Variants in EPN2 observed in about 807,000 individuals in gnomAD.
EPN2 encodes epsin 2, also known as epsin-2.
EPN2 carries 34 observed loss-of-function variants against 61.7 expected under a neutral mutation model. The ratio of observed to expected loss-of-function variants is 0.55; its 90% confidence interval spans 0.42 to 0.73. The LOEUF is 0.73. Among genes scored for constraint, EPN2 ranks in the 30% least tolerant of loss-of-function variants. EPN2 has a pLI of 0.00. For missense variants in EPN2, 714 were observed against 839.2 expected (o/e 0.85, Z 1.84); for synonymous variants, 349 against 353.6 (o/e 0.99, Z 0.15).
chr17:19,307,224 C>G (rs1905886335), intron 4 of EPN2, among the ~76,000 whole-genome samples: 1 of 152,130 alleles, frequency 6.6e-6, no homozygotes, highest in Non-Finnish European at 1.5e-5. Flanking sequence ...TGAAGAGATA[C>G]TTTGGGAAAT....
chr17:19,310,920 GA>G (rs1450251687), intron 5 of EPN2, among the ~76,000 whole-genome samples: 1 of 152,110 alleles, frequency 6.6e-6, no homozygotes, highest in Non-Finnish European at 1.5e-5. Flanking sequence ...ACAACAGCGA[GA>G]AGGGAAAGGA....
chr17:19,255,241 A>G (rs975639611), intron 1 of EPN2, among the ~76,000 whole-genome samples: 4 of 152,086 alleles, frequency 2.6e-5, no homozygotes, highest in Non-Finnish European at 5.9e-5. Context: ...AGGTCCCAGG[A>G]CAAGGAGAAT....
chr17:19,295,567 G>A (rs1366688639), intron 4 of EPN2, among the ~76,000 whole-genome samples: 1 of 152,086 alleles, frequency 6.6e-6, no homozygotes, highest in Non-Finnish European at 1.5e-5. Flanking sequence ...AAATACATTT[G>A]AAGTCAATTC....
chr17:19,246,316 C>T (rs1265738455), intron 1 of EPN2, among the ~76,000 whole-genome samples: 1 of 152,152 alleles, frequency 6.6e-6, no homozygotes, highest in Non-Finnish European at 1.5e-5. Flanking sequence ...GAGATCATGC[C>T]ACTGCACTCC....
intron 4 of EPN2, among the ~76,000 whole-genome samples, chr17:19,308,991 A>C (rs1905989638): frequency 3.8e-5 from 3 of 79,324 alleles, no homozygotes; most frequent in Admixed American, 3.7e-4. Context: ...AGCTAAGTGC[A>C]CAGCAAAAGT....
chr17:19,333,880 A>G, intron 10 of EPN2, 76 bp from the exon 11 acceptor site: 7 of 1,305,864 alleles, frequency 5.4e-6, no homozygotes, highest in Middle Eastern at 5.1e-4. Context: ...GAACACCCGC[A>G]TGCAGTCCCT....
At chr17:19,284,824 T>C (rs1261684953) in intron 3 of EPN2, among the ~76,000 whole-genome samples, 1 of 152,254 alleles carries the variant, frequency 6.6e-6, no homozygotes, top group Middle Eastern at 3.2e-3. Flanking sequence ...TCAGATTTCC[T>C]GCTTCTAGGA....
chr17:19,268,118 C>T, intron 1 of EPN2, among the ~76,000 whole-genome samples: 1 of 152,312 alleles, frequency 6.6e-6, no homozygotes, highest in East Asian at 1.9e-4. Context: ...GCCTCCTCTT[C>T]CATACTCAGG....
At position 19,320,188 on chromosome 17, in the gene EPN2, CAG is replaced by C. The variant is rs141777309; in HGVS notation, c.1147+6910_1147+6911del. On this transcript the variant is annotated intron_variant, in intron 7 of 10. Coordinates refer to ENST00000314728, the MANE Select transcript of EPN2 (RefSeq NM_014964.5). Reference sequence around the variant, plus strand: ...AAATCATGGCTCAGACATCCCTACTCAGGGGATGTGGTCACCCCGTCCTCAGG... The same window carrying C: ...AAATCATGGCTCAGACATCCCTACTCGGGATGTGGTCACCCCGTCCTCAGG... 2.1e-3 allele frequency among the ~76,000 whole-genome samples: 318 copies of C among 152,344 alleles called. 2 individuals are homozygous for C. The highest frequency in any genetic ancestry group is 7.2e-3 in the African/African-American group (300 of 41,590).
chr17:19,259,991 G>A (rs1258363797), intron 1 of EPN2, among the ~76,000 whole-genome samples: 1 of 152,176 alleles, frequency 6.6e-6, no homozygotes, highest in African/African-American at 2.4e-5. Flanking sequence ...AGCCCAGTCT[G>A]CTGTCCTGTG....
At chr17:19,245,662 CTT>C (rs763020481) in intron 1 of EPN2, among the ~76,000 whole-genome samples, 39 of 132,820 alleles carry the variant, frequency 2.9e-4, no homozygotes, top group East Asian at 2.2e-4. Context: ...GTCTTGATCT[CTT>C]TTTTTTTTTT....
intron 4 of EPN2, among the ~76,000 whole-genome samples, chr17:19,290,399 A>G (rs1347933699): frequency 2.0e-5 from 3 of 152,202 alleles, no homozygotes; most frequent in African/African-American, 7.2e-5. Flanking sequence ...GACGGAACCT[A>G]CATCAAAGGG....
intron 1 of EPN2, among the ~76,000 whole-genome samples, chr17:19,261,529 C>T (rs2045141723): frequency 6.6e-6 from 1 of 152,094 alleles, no homozygotes; most frequent in Non-Finnish European, 1.5e-5. Context: ...CTGATCTAGG[C>T]AGAGTCTTTA....
At chr17:19,241,336 G>C (rs2044882198) in intron 1 of EPN2, among the ~76,000 whole-genome samples, 1 of 152,142 alleles carries the variant, frequency 6.6e-6, no homozygotes, top group Admixed American at 6.5e-5. Flanking sequence ...TGTAATTCCA[G>C]CACTTTGGGA....
At chr17:19,257,523 CTTT>C (rs34201206) in intron 1 of EPN2, among the ~76,000 whole-genome samples, 3 of 73,394 alleles carry the variant, frequency 4.1e-5, no homozygotes, top group Non-Finnish European at 4.1e-5. Context: ...CTCTCTCTCT[CTTT>C]TTTTTTTTTT....
At chr17:19,279,937 A>G (rs572696806) in intron 1 of EPN2, 1 of 151,424 alleles carries the variant, frequency 6.6e-6, no homozygotes, top group South Asian at 2.1e-4. Flanking sequence ...CTCGGGCTCA[A>G]GCAGTTCTCG....
At chr17:19,255,450 T>G (rs1335994008) in intron 1 of EPN2, among the ~76,000 whole-genome samples, 6 of 135,684 alleles carry the variant, frequency 4.4e-5, no homozygotes, top group Admixed American at 1.4e-4. Context: ...ATTTATTTAT[T>G]TATTTATTTA....
chr17:19,331,901 C>T lies in EPN2; in HGVS notation c.1460C>T (p.Pro487Leu). Residue 487 changes from proline to leucine, a missense_variant, in exon 10 of 11, where the codon CCT (proline) becomes CTT (leucine). Pro to Leu is a moderately conservative substitution (Grantham distance 98). Transcript: ENST00000314728. ...TCCCAAAACAATGGAACTACCAGCC[C>T]TGACCCCTTTGAGTCTCAACCCCTG... ...LPSQNNGTTS[P>L]DPFESQPLTV... is the part of the protein sequence containing the mutation. The T allele has an allele frequency of 6.2e-7, 1 of 1,614,148 alleles. No homozygotes were observed.
chr17:19,237,746 C>T (rs1315530558), intron 1 of EPN2, among the ~76,000 whole-genome samples: 2 of 152,184 alleles, frequency 1.3e-5, no homozygotes, highest in East Asian at 3.9e-4. Context: ...TGGAGCATGG[C>T]CCCCTTCCCA....
Sources: allele counts gnomAD v4.1 joint callset (sites outside exome capture counted in the v4.1 genomes callset), GRCh38; gene constraint gnomAD v4.1.1; transcripts MANE v1.5; gene names NCBI Gene and HGNC (gene_info 2026-07-23, HGNC 2026-07-21).